Variants in SH3PXD2A observed in about 807,000 individuals in gnomAD.
SH3PXD2A encodes the protein SH3 and PX domain-containing protein 2A.
A neutral mutation model predicts 115.2 loss-of-function variants in SH3PXD2A; 32 were observed. The observed-to-expected ratio is 0.28, with a 90% CI of 0.21 to 0.37. SH3PXD2A has a LOEUF of 0.37. Ranked by LOEUF, SH3PXD2A falls within the 10% of genes least tolerant of loss-of-function variation. SH3PXD2A has a pLI of 1.00. For missense variants in SH3PXD2A, 1,328 were observed against 1,498.7 expected, an observed-to-expected ratio of 0.89 and a Z score of 1.88; for synonymous variants, 610 against 629.1, an observed-to-expected ratio of 0.97 and a Z score of 0.45.
At chr10:103,640,892 C>G (rs1564851632) in intron 8 of SH3PXD2A, among the ~76,000 whole-genome samples, 1 of 152,050 alleles carries the variant, frequency 6.6e-6, no homozygotes, top group Non-Finnish European at 1.5e-5. Flanking sequence ...CCTTGTGTCC[C>G]TCATGATCCC....
intron 1 of SH3PXD2A, among the ~76,000 whole-genome samples, chr10:103,826,962 T>C (rs1017369297): frequency 5.3e-5 from 8 of 152,062 alleles, no homozygotes; most frequent in Non-Finnish European, 8.8e-5. Context: ...GGATAACTCG[T>C]AGAATGAGCA....
intron 5 of SH3PXD2A, among the ~76,000 whole-genome samples, chr10:103,713,699 G>A (rs2038071848): frequency 1.3e-5 from 2 of 152,218 alleles, no homozygotes; most frequent in African/African-American, 4.8e-5. Context: ...ATTACAATCA[G>A]TTGTTCTTTT....
chr10:103,690,704 A>G (rs1000083569), intron 6 of SH3PXD2A, among the ~76,000 whole-genome samples: 2 of 152,250 alleles, frequency 1.3e-5, no homozygotes, highest in African/African-American at 4.8e-5. Context: ...GCTTGACCAA[A>G]TATCTGGGCA....
At chr10:103,667,522 GTCACA>G in intron 7 of SH3PXD2A, among the ~76,000 whole-genome samples, 1 of 152,204 alleles carries the variant, frequency 6.6e-6, no homozygotes, top group Non-Finnish European at 1.5e-5. Flanking sequence ...CCAGGCCCTC[GTCACA>G]GGAAACTCCA....
Position 103,804,314 on chromosome 10 carries a change from C to CTTTT in SH3PXD2A, c.73-2956_73-2953dup, listed in dbSNP as rs58737094. Among the ~76,000 whole-genome samples the CTTTT allele has an allele frequency of 3.1e-3, 184 of 59,692 alleles. 1 individual carries two copies. Among genetic ancestry groups the CTTTT allele is most frequent in the African/African-American group, 5.3e-3 (81 of 15,350 alleles). The allele number at this position is 59,692 out of a possible 152,430, so 39.2% of individuals were successfully genotyped here. A position where few individuals can be genotyped will look rare whatever the true frequency, so the allele number is the denominator to read the frequency against. ...AAATTTTATTTTTGGTTGACATCAT[C>CTTTT]TTTTTTTTTTTTTTTTTTTTTTTTT... On this transcript the variant is annotated intron_variant, in intron 1 of 14. Transcript: ENST00000369774.
At chr10:103,776,434 G>C (rs1173123859) in intron 2 of SH3PXD2A, among the ~76,000 whole-genome samples, 1 of 101,350 alleles carries the variant, frequency 9.9e-6, no homozygotes, top group African/African-American at 3.9e-5. Flanking sequence ...GCGTGTGTGT[G>C]TCTGTGTGTG....
At chr10:103,635,436 G>A (rs561236475) in intron 8 of SH3PXD2A, among the ~76,000 whole-genome samples, 15 of 152,250 alleles carry the variant, frequency 9.9e-5, no homozygotes, top group African/African-American at 2.4e-4. Context: ...CCGCCAGGGC[G>A]TTTGATGCCT....
intron 7 of SH3PXD2A, among the ~76,000 whole-genome samples, chr10:103,668,218 G>A (rs1017522506): frequency 2.0e-5 from 3 of 152,268 alleles, no homozygotes; most frequent in Non-Finnish European, 4.4e-5. Flanking sequence ...AGATAAGGCT[G>A]AAGATGGCGA....
intron 14 of SH3PXD2A, 106 bp from the exon 15 acceptor site, chr10:103,603,895 T>C (rs2036260313): frequency 7.8e-7 from 1 of 1,274,846 alleles, no homozygotes; most frequent in Non-Finnish European, 1.0e-6. Context: ...TTATCTCCAT[T>C]TTACAGATAA....
intron 2 of SH3PXD2A, among the ~76,000 whole-genome samples, chr10:103,780,327 T>C (rs2134240126): frequency 6.6e-6 from 1 of 152,346 alleles, no homozygotes; most frequent in Non-Finnish European, 1.5e-5. Context: ...CCCACTTTTT[T>C]CTCTATTCCA....
chr10:103,661,228 C>G (rs1469111730), intron 7 of SH3PXD2A, 114 bp from the exon 8 acceptor site: 10 of 1,280,136 alleles, frequency 7.8e-6, no homozygotes, highest in Non-Finnish European at 9.4e-6. Flanking sequence ...CAGCGCCGCT[C>G]CCAGGGGCAG....
At position 103,652,042 on chromosome 10, in the gene SH3PXD2A, C is replaced by T. The variant is rs966889216; in HGVS notation, c.604+8941G>A. Among the ~76,000 whole-genome samples, 7 of 152,334 alleles carry T rather than the reference C, an allele frequency of 4.6e-5. 1 individual carries two copies. Among genetic ancestry groups the T allele is most frequent in the Middle Eastern group, 6.8e-3 (2 of 294 alleles). The stretch of plus-strand genomic sequence containing the variant: ...CTTGGCAAACTTACTCTGAGTTTGG[C>T]CTTTGCTCATTTCCCATGGTGCTCC... On this transcript the variant is annotated intron_variant, in intron 8 of 14. Coordinates refer to ENST00000369774, the MANE Select transcript of SH3PXD2A (RefSeq NM_001394015.1).
At chr10:103,766,572 A>G (rs2038756716) in intron 3 of SH3PXD2A, among the ~76,000 whole-genome samples, 1 of 152,210 alleles carries the variant, frequency 6.6e-6, no homozygotes, top group African/African-American at 2.4e-5. Flanking sequence ...GACATCATCA[A>G]AATAACAGGT....
At position 103,686,895 on chromosome 10, in the gene SH3PXD2A, C is replaced by T. The variant is rs1342755370; in HGVS notation, c.427+6133G>A. On this transcript the variant is annotated intron_variant, in intron 6 of 14. Transcript: ENST00000369774. Reference sequence around the variant, plus strand: ...CTCAGTAGCTGGGATTACAAGCACCCGCCACCACGTCCAGCTAATTTTTTG... The same window carrying T: ...CTCAGTAGCTGGGATTACAAGCACCTGCCACCACGTCCAGCTAATTTTTTG... Among the ~76,000 whole-genome samples the T allele has an allele frequency of 3.9e-5, 6 of 152,068 alleles. No homozygotes were observed. In the East Asian group the frequency reaches 7.8e-4, roughly 20 times the overall value.
At chr10:103,769,827 A>AT (rs201225847) in intron 2 of SH3PXD2A, among the ~76,000 whole-genome samples, 91 of 151,842 alleles carry the variant, frequency 6.0e-4, no homozygotes, top group South Asian at 2.7e-3. Flanking sequence ...TCTAAACAGG[A>AT]TTTTTTTTTC....
intron 13 of SH3PXD2A, chr10:103,609,542 GC>G (rs1444385839): frequency 6.6e-6 from 1 of 152,196 alleles, no homozygotes; most frequent in Non-Finnish European, 1.5e-5. Context: ...GCTGGCTTTG[GC>G]CCATGGTTTG....
intron 9 of SH3PXD2A, among the ~76,000 whole-genome samples, chr10:103,623,637 G>C (rs999091822): frequency 6.6e-6 from 1 of 152,184 alleles, no homozygotes; most frequent in Non-Finnish European, 1.5e-5. Context: ...AAGGACAAAA[G>C]GGTAGGAGGT....
chr10:103,827,776 G>T (rs115768981), intron 1 of SH3PXD2A, among the ~76,000 whole-genome samples: 444 of 152,310 alleles, frequency 2.9e-3, no homozygotes, highest in African/African-American at 0.01. Context: ...TCTCTGCATA[G>T]TCCTCAGATA....
chr10:103,711,535 T>C (rs539270680), intron 5 of SH3PXD2A, among the ~76,000 whole-genome samples: 11 of 152,236 alleles, frequency 7.2e-5, no homozygotes, highest in African/African-American at 2.6e-4. Flanking sequence ...TTAGTCCACC[T>C]CAGAGCTGCA....
Sources: gnomAD v4.1 joint callset for allele counts (sites outside exome capture counted in the v4.1 genomes callset) on GRCh38, gnomAD v4.1.1 for gene constraint, MANE v1.5 for transcripts, NCBI Gene and HGNC (gene_info 2026-07-23, HGNC 2026-07-21) for gene names.